Variants in RGMA observed in about 807,000 individuals in gnomAD.
RGMA encodes the protein repulsive guidance molecule A.
Under a neutral mutation model 23.2 loss-of-function variants are expected in RGMA, and 10 were observed. The ratio of observed to expected loss-of-function variants is 0.43; its 90% CI spans 0.27 to 0.73. The LOEUF (loss-of-function observed/expected upper bound fraction) is 0.73, where lower values mean the gene tolerates loss of function less well. RGMA is among the 30% of genes least tolerant of loss of function. The probability of loss-of-function intolerance (pLI) is 0.20; values close to 1 mark genes in which losing one functional copy is unlikely to be tolerated. For synonymous variants in RGMA, 308 were observed against 279.3 expected (o/e 1.10, Z -1.03); for missense variants, 547 against 630.5 (o/e 0.87, Z 1.42).
intron 3 of RGMA, among the ~76,000 whole-genome samples, chr15:93,050,830 C>T (rs1468372291): frequency 6.6e-6 from 1 of 152,176 alleles, no homozygotes; most frequent in Non-Finnish European, 1.5e-5. Flanking sequence ...AGGCCAGGTC[C>T]CCTCTGAAGC....
At position 93,089,015 on chromosome 15, in the gene RGMA, G is replaced by A. The variant is rs1271715945; in HGVS notation, c.-83C>T. 1 of 917,596 alleles carries A rather than the reference G, an allele frequency of 1.1e-6. No individual in the cohort carries two copies. 56.8% of individuals were successfully genotyped at this position (917,596 alleles called of 1,614,324 possible). ...TCGGGGCGCCGCTCGTCTGCCCCGG[G>A]GCAAGGTGGGAGGGGCTCCGCTGGC... On this transcript the variant is annotated 5_prime_UTR_variant, in exon 1 of 4. Coordinates refer to ENST00000329082, the MANE Select transcript of RGMA (RefSeq NM_020211.3).
intron 1 of RGMA, among the ~76,000 whole-genome samples, chr15:93,084,009 A>C (rs956246956): frequency 3.3e-5 from 5 of 152,242 alleles, no homozygotes; most frequent in Non-Finnish European, 5.9e-5. Flanking sequence ...ATGTAAATGA[A>C]AGCACATTAG....
At chr15:93,047,358 G>C (rs1465796058) in intron 3 of RGMA, among the ~76,000 whole-genome samples, 1 of 152,170 alleles carries the variant, frequency 6.6e-6, no homozygotes, top group Non-Finnish European at 1.5e-5. Flanking sequence ...GGGAGCTCTG[G>C]GTGCCTTGGT....
chr15:93,069,853 G>A (rs1895268187), intron 2 of RGMA, among the ~76,000 whole-genome samples: 1 of 152,226 alleles, frequency 6.6e-6, no homozygotes. Context: ...TGACATGTCC[G>A]AAACATATGC....
chr15:93,088,273 G>A (rs541348706), intron 1 of RGMA: 1 of 985,362 alleles, frequency 1.0e-6, no homozygotes, highest in Admixed American at 6.1e-5. Context: ...CCATGCCCGG[G>A]CTTGTACCCT....
rs369542394 is a variant in RGMA at position 93,059,592 on chromosome 15, C to G, written c.131-7085G>C. Among the ~76,000 whole-genome samples the G allele has an allele frequency of 1.2e-3, 179 of 152,306 alleles. 1 individual carries two copies. The Middle Eastern group carries it at 0.017, about 14-fold the overall frequency. ...GAAGCTCTCTGGGAACGATGGGTCC[C>G]AGAAATGTGTGTGTGTGGCCTCATT... On this transcript the variant is annotated intron_variant, in intron 2 of 3. Coordinates refer to ENST00000329082, the MANE Select transcript of RGMA (RefSeq NM_020211.3).
At chr15:93,056,067 C>G (rs549802028) in intron 2 of RGMA, among the ~76,000 whole-genome samples, 3 of 152,188 alleles carry the variant, frequency 2.0e-5, no homozygotes, top group South Asian at 2.1e-4. Context: ...GGACCCAGCT[C>G]GGCAGGCCCC....
chr15:93,061,928 C>CCTA (rs768528065), intron 2 of RGMA, among the ~76,000 whole-genome samples: 2 of 152,006 alleles, frequency 1.3e-5, no homozygotes, highest in Non-Finnish European at 2.9e-5. Flanking sequence ...AGAAAGGAGT[C>CCTA]CTAGGAATGC....
At chr15:93,075,605 G>A (rs1381955740) in intron 1 of RGMA, among the ~76,000 whole-genome samples, 1 of 151,960 alleles carries the variant, frequency 6.6e-6, no homozygotes, top group Non-Finnish European at 1.5e-5. Context: ...TCTCGCAGCA[G>A]GACTTTTAAC....
At chr15:93,070,290 C>A (rs555431970) in intron 2 of RGMA, among the ~76,000 whole-genome samples, 2 of 152,332 alleles carry the variant, frequency 1.3e-5, no homozygotes, top group South Asian at 4.1e-4. Flanking sequence ...AATTTGCACT[C>A]CTATAGGCTT....
chr15:93,061,843 G>T (rs761227213), intron 2 of RGMA, among the ~76,000 whole-genome samples: 1 of 152,066 alleles, frequency 6.6e-6, no homozygotes, highest in African/African-American at 2.4e-5. Context: ...GATTATTACC[G>T]CCCTGTTTGC....
chr15:93,059,295 TC>T (rs2055065136), intron 2 of RGMA, among the ~76,000 whole-genome samples: 1 of 152,150 alleles, frequency 6.6e-6, no homozygotes, highest in Non-Finnish European at 1.5e-5. Flanking sequence ...AGAAGCTTAA[TC>T]GATTCCGGGC....
At chr15:93,075,028 G>A (rs761199375) in intron 1 of RGMA, among the ~76,000 whole-genome samples, 37 of 151,924 alleles carry the variant, frequency 2.4e-4, no homozygotes, top group South Asian at 6.2e-4. Context: ...CATGCAGCCC[G>A]CAGAAGCCCA....
intron 1 of RGMA, among the ~76,000 whole-genome samples, chr15:93,087,475 A>AAAAAAC (rs1555451818): frequency 6.6e-6 from 1 of 150,772 alleles, no homozygotes; most frequent in Non-Finnish European, 1.5e-5. Flanking sequence ...AAAAAAAAAA[A>AAAAAAC]AAAAAAAAAC....
At chr15:93,056,050 T>C (rs1197910902) in intron 2 of RGMA, among the ~76,000 whole-genome samples, 1 of 152,164 alleles carries the variant, frequency 6.6e-6, no homozygotes, top group Non-Finnish European at 1.5e-5. Context: ...CTGTACTGGG[T>C]GGCCTGGGAC....
At position 93,052,410 on chromosome 15, in the gene RGMA, A is replaced by G. The variant is rs2054941080; in HGVS notation, c.228T>C (p.Cys76=). Residue 76 remains cysteine, a synonymous_variant, in exon 3 of 4, where the codon TGT becomes TGC. Transcript: ENST00000329082. The part of the protein sequence containing the change: ...APASDDTPEF[C]AALRSYALCT... ...ACAGGGCGTAGCTGCGCAAGGCTGC[A>G]CAGAACTCGGGGGTGTCGTCTGAGG... The G allele has an allele frequency of 6.3e-7, 1 of 1,598,736 alleles. No homozygotes were observed. Among genetic ancestry groups the G allele is most frequent in the Non-Finnish European group, 8.5e-7 (1 of 1,178,924 alleles).
At position 93,042,248 on chromosome 15, in the gene RGMA, C is replaced by A. The variant is rs2054733719; in HGVS notation, c.*2750G>T. 1 of 152,282 alleles carries A rather than the reference C, an allele frequency of 6.6e-6. No individual in the cohort carries two copies. Among genetic ancestry groups the A allele is most frequent in the Non-Finnish European group, 1.5e-5 (1 of 68,090 alleles). The allele number at this position is 152,282 out of a possible 1,614,324, so 9.4% of individuals were successfully genotyped here. On this transcript the variant is annotated 3_prime_UTR_variant, in exon 4 of 4. Coordinates refer to ENST00000329082, the MANE Select transcript of RGMA (RefSeq NM_020211.3). ...AATGAACTTGGCCACTCTTGGGACT[C>A]CTCCCCTTGCTAGCCTGCAGGTTCA...
intron 2 of RGMA, among the ~76,000 whole-genome samples, chr15:93,067,970 A>G (rs1255116160): frequency 6.6e-6 from 1 of 152,034 alleles, no homozygotes; most frequent in Non-Finnish European, 1.5e-5. Context: ...GCCCCAGGTG[A>G]TTAGACCACA....
chr15:93,067,036 C>T (rs1895179865), intron 2 of RGMA, among the ~76,000 whole-genome samples: 1 of 152,184 alleles, frequency 6.6e-6, no homozygotes, highest in South Asian at 2.1e-4. Flanking sequence ...GGCCACTCAA[C>T]CAAAAGAGCT....
Sources: gnomAD v4.1 joint callset for allele counts (sites outside exome capture counted in the v4.1 genomes callset) on GRCh38, gnomAD v4.1.1 for gene constraint, MANE v1.5 for transcripts, NCBI Gene and HGNC (gene_info 2026-07-23, HGNC 2026-07-21) for gene names.